Variants in NDC80 observed in about 807,000 individuals in gnomAD.
The protein encoded by NDC80 is NDC80 kinetochore complex component.
A neutral mutation model predicts 89.3 loss-of-function variants in NDC80; 69 were observed. That is an observed-to-expected ratio of 0.77 (90% CI 0.64 to 0.94). The LOEUF (loss-of-function observed/expected upper bound fraction) is 0.94. Among genes scored for constraint, NDC80 ranks in the 40% least tolerant of loss-of-function variants. The pLI, the probability that NDC80 is intolerant of heterozygous loss-of-function variation, is 0.00. For missense variants in NDC80, 593 were observed against 739.6 expected, an observed-to-expected ratio of 0.80 and a Z score of 2.30; for synonymous variants, 243 against 255.6, an observed-to-expected ratio of 0.95 and a Z score of 0.47.
intron 11 of NDC80, among the ~76,000 whole-genome samples, 170 bp downstream of exon 11, chr18:2,595,791 A>C (rs2072651847): frequency 6.6e-6 from 1 of 152,196 alleles, no homozygotes; most frequent in African/African-American, 2.4e-5. Context: ...GTAACATCCC[A>C]ATTTCTCTCA....
intron 7 of NDC80, among the ~76,000 whole-genome samples, chr18:2,587,105 CA>C (rs11308545): frequency 0.65 from 99,249 of 151,902 alleles, 33,547 homozygotes; most frequent in East Asian, 0.95. Context: ...TCAGGGTACT[CA>C]CTTCAAGGTC....
At position 2,579,000 on chromosome 18, in the gene NDC80, G is replaced by A. The variant is rs748142172; in HGVS notation, c.550G>A (p.Ala184Thr). 3.2e-6 allele frequency: 5 copies of A among 1,575,894 alleles called. No individual in the cohort carries two copies. The South Asian group carries it at 5.9e-5, about 19-fold the overall frequency. The change falls in exon 6 of 17, where the codon GCC becomes ACC. Residue 184 changes from alanine to threonine, a missense_variant. Ala to Thr is a moderately conservative substitution (Grantham distance 58). Transcript: ENST00000261597. ...TCATACATGGCCTCACATTGTGGCA[G>A]CCTTAGTTTGGCTAATAGACTGCAT... ...APHTWPHIVA[A>T]LVWLIDCIKI...
chr18:2,614,443 G>A (rs71358788), intron 16 of NDC80: 59,718 of 73,390 alleles, frequency 0.81, 23,955 homozygotes, highest in East Asian at 0.96. Context: ...CTCAAAAAAA[G>A]AAAGAAAGAA....
At chr18:2,583,465 C>T (rs2072588477) in intron 6 of NDC80, among the ~76,000 whole-genome samples, 1 of 152,142 alleles carries the variant, frequency 6.6e-6, no homozygotes, top group East Asian at 1.9e-4. Flanking sequence ...CTTTGGGAGG[C>T]CAAGGTGGGT....
chr18:2,597,814 T>C (rs1598242163), intron 11 of NDC80, among the ~76,000 whole-genome samples: 1 of 151,970 alleles, frequency 6.6e-6, no homozygotes, highest in Non-Finnish European at 1.5e-5. Flanking sequence ...CGAATGAAAC[T>C]TGATGAAAGA....
Position 2,577,772 on chromosome 18 carries a change from G to A in NDC80, c.206G>A (p.Ser69Asn). 1 of 1,614,028 alleles carries A rather than the reference G, an allele frequency of 6.2e-7. No individual in the cohort carries two copies. Among genetic ancestry groups the A allele is most frequent in the Non-Finnish European group, 8.5e-7 (1 of 1,179,988 alleles). Residue 69 changes from serine to asparagine, a missense_variant, in exon 4 of 17, where the codon AGT becomes AAT. Transcript: ENST00000261597. ...ACTAGTGGACATGGATCCCGGAATAGTCAACTTGGTATATTTTCCAGTTCT... is the reference window on the plus strand; with the variant it reads ...ACTAGTGGACATGGATCCCGGAATAATCAACTTGGTATATTTTCCAGTTCT... ...KRTSGHGSRN[S>N]QLGIFSSSEK...
chr18:2,589,712 A>T (rs2072617991), intron 9 of NDC80, among the ~76,000 whole-genome samples: 1 of 136,324 alleles, frequency 7.3e-6, no homozygotes, highest in Non-Finnish European at 1.5e-5. Flanking sequence ...TCTAAAAGCT[A>T]AATATTAATA....
chr18:2,614,547 GGAAGGAAGGAAGGAAGGGAAAGAA>G lies in NDC80; in HGVS notation c.1792-1889_1792-1866del, dbSNP rs2072766107. Reference sequence around the variant, plus strand: ...AGGAAGGAAGGAAGGAAGGAAGGAAGGAAGGAAGGAAGGAAGGGAAAGAAAGAAAGAAAGAAAGAAAGAAAGAAA... The same window carrying G: ...AGGAAGGAAGGAAGGAAGGAAGGAAGAGAAAGAAAGAAAGAAAGAAAGAAA... On this transcript the variant is annotated intron_variant, in intron 16 of 16. Coordinates refer to ENST00000261597, the MANE Select transcript of NDC80 (RefSeq NM_006101.3). The G allele has an allele frequency of 1.1e-3, 5 of 4,492 alleles. 1 individual carries two copies. Among genetic ancestry groups the G allele is most frequent in the African/African-American group, 7.7e-3 (5 of 648 alleles). 0.3% of individuals were successfully genotyped at this position (4,492 alleles called of 1,614,324 possible).
At position 2,616,573 on chromosome 18, in the gene NDC80, G is replaced by C; in HGVS notation, c.1928G>C (p.Ter643SerextTer2). 7.2e-7 allele frequency: 1 copy of C among 1,384,644 alleles called. No homozygotes were observed. Among genetic ancestry groups the C allele is most frequent in the Non-Finnish European group, 9.8e-7 (1 of 1,023,578 alleles). The allele number at this position is 1,384,644 out of a possible 1,614,324, so 85.8% of individuals were successfully genotyped here. ...ACTCTAATTAAGTCTTCTGAAGAATGAAGATAAAATGTTGATCATGTATAT... is the reference window on the plus strand; with the variant it reads ...ACTCTAATTAAGTCTTCTGAAGAATCAAGATAAAATGTTGATCATGTATAT... ...KATLIKSSEE* is the reference protein window; with the variant it reads ...KATLIKSSEES Residue 643 changes from the stop codon to serine, a stop_lost, in exon 17 of 17, where the codon TGA (stop) becomes TCA (serine). Coordinates refer to ENST00000261597, the MANE Select transcript of NDC80 (RefSeq NM_006101.3).
intron 13 of NDC80, among the ~76,000 whole-genome samples, chr18:2,605,433 T>A (rs1598245066): frequency 1.3e-5 from 2 of 152,074 alleles, no homozygotes; most frequent in South Asian, 4.1e-4. Flanking sequence ...TGCTCAGAGA[T>A]GAGTAAACAT....
intron 11 of NDC80, among the ~76,000 whole-genome samples, chr18:2,596,333 AAAAC>A (rs1481758804): frequency 2.7e-4 from 41 of 152,246 alleles, no homozygotes; most frequent in Admixed American, 1.4e-3. Flanking sequence ...TTACAAGAAA[AAAAC>A]AAACAAACCC....
chr18:2,585,290 A>T (rs997942248), intron 7 of NDC80, 88 bp downstream of exon 7: 17 of 989,740 alleles, frequency 1.7e-5, no homozygotes, highest in Admixed American at 1.5e-4. Flanking sequence ...CCCTCGACTT[A>T]TGATAGAGTA....
intron 9 of NDC80, 140 bp downstream of exon 9, chr18:2,589,450 C>T (rs1370359175): frequency 1.6e-6 from 1 of 627,582 alleles, no homozygotes; most frequent in East Asian, 2.8e-5. Flanking sequence ...CACCTAGAAA[C>T]TCCCAATGAA....
chr18:2,606,286 G>A, intron 13 of NDC80, 129 bp from the exon 14 acceptor site: 1 of 498,026 alleles, frequency 2.0e-6, no homozygotes, highest in Middle Eastern at 5.6e-4. Flanking sequence ...AATGATAAGT[G>A]AGAGTCCAAA....
Position 2,577,767 on chromosome 18 carries a change from G to C in NDC80, c.201G>C (p.Arg67=). Residue 67 remains arginine (R), a synonymous_variant, in exon 4 of 17, where the codon CGG becomes CGC. Coordinates refer to ENST00000261597, the MANE Select transcript of NDC80 (RefSeq NM_006101.3). ...CCAGAACTAGTGGACATGGATCCCG[G>C]AATAGTCAACTTGGTATATTTTCCA... ...FGKRTSGHGS[R]NSQLGIFSSS... is the part of the protein sequence containing the mutation. The C allele has an allele frequency of 6.2e-7, 1 of 1,613,970 alleles. No homozygotes were observed. Among genetic ancestry groups the C allele is most frequent in the Non-Finnish European group, 8.5e-7 (1 of 1,179,976 alleles).
intron 1 of NDC80, among the ~76,000 whole-genome samples, chr18:2,572,668 C>A (rs1344171202): frequency 6.6e-6 from 1 of 152,154 alleles, no homozygotes; most frequent in Non-Finnish European, 1.5e-5. Context: ...ACCACGGATA[C>A]CCTTGTGAAG....
chr18:2,592,358 G>GTTTTTTTTTTTTTTTT (rs568473370), intron 10 of NDC80, among the ~76,000 whole-genome samples: 1 of 140,666 alleles, frequency 7.1e-6, no homozygotes, highest in Non-Finnish European at 1.6e-5. Context: ...GTTTTATTTT[G>GTTTTTTTTTTTTTTTT]TTTTTTTTTT....
At chr18:2,572,541 G>T (rs576253169) in intron 1 of NDC80, among the ~76,000 whole-genome samples, 2 of 152,256 alleles carry the variant, frequency 1.3e-5, no homozygotes, top group East Asian at 3.9e-4. Context: ...TGAAACCAAA[G>T]AAAAGGAAAC....
chr18:2,591,755 CT>C (rs56126967), intron 10 of NDC80, among the ~76,000 whole-genome samples: 25,712 of 136,112 alleles, frequency 0.19, 2,659 homozygotes, highest in East Asian at 0.56. Flanking sequence ...TTAATCAATA[CT>C]TTTTTTTTTT....
Sources: allele counts gnomAD v4.1 joint callset (sites outside exome capture counted in the v4.1 genomes callset), GRCh38; gene constraint gnomAD v4.1.1; transcripts MANE v1.5; gene names NCBI Gene and HGNC (gene_info 2026-07-23, HGNC 2026-07-21).